The following CGRRF1 variants were observed in gnomAD, a reference collection of about 807,000 sequenced individuals.
CGRRF1 encodes cell growth regulator with ring finger domain 1.
In CGRRF1, 32 loss-of-function variants were observed where a neutral mutation model predicts 37.2. That is an observed-to-expected ratio of 0.86 (90% confidence interval 0.65 to 1.16). The LOEUF is 1.16. Among genes scored for constraint, CGRRF1 ranks in the 50% most tolerant of loss-of-function variants. CGRRF1 has a pLI of 0.00. For missense variants in CGRRF1, 391 were observed against 382.6 expected (o/e 1.02, Z -0.18); for synonymous variants, 141 against 140.3 (o/e 1.00, Z -0.04).
chr14:54,528,206 C>CTTTT (rs758797153), intron 2 of CGRRF1, among the ~76,000 whole-genome samples: 5 of 96,266 alleles, frequency 5.2e-5, no homozygotes, highest in African/African-American at 1.1e-4. Flanking sequence ...TACCTCAATT[C>CTTTT]TTTTTTTTTT....
Position 54,522,485 on chromosome 14 carries a change from A to G in CGRRF1, c.136A>G (p.Asn46Asp). 6.3e-7 allele frequency: 1 copy of G among 1,580,970 alleles called. No homozygotes were observed. The highest frequency in any genetic ancestry group is 2.0e-5 in the Admixed American group (1 of 51,280). ...TTGGGATGTTCCAGTAATTCTGAGAAATTCAGAAGAGACCCAGTTCAGCAC... is the reference window on the plus strand; with the variant it reads ...TTGGGATGTTCCAGTAATTCTGAGAGATTCAGAAGAGACCCAGTTCAGCAC... ...FGWDVPVILR[N>D]SEETQFSTRV... The change falls in exon 2 of 6, where the codon AAT (asparagine) becomes GAT (aspartate). Residue 46 changes from asparagine (N) to aspartate (D), a missense_variant. Coordinates refer to ENST00000216420, the MANE Select transcript of CGRRF1 (RefSeq NM_006568.3).
intron 2 of CGRRF1, 73 bp downstream of exon 2, chr14:54,522,666 T>A: frequency 1.5e-6 from 2 of 1,367,744 alleles, no homozygotes; most frequent in Non-Finnish European, 2.0e-6. Context: ...TTTCTTTCTC[T>A]ATTTCTTTCC....
Position 54,539,263 on chromosome 14 carries a change from A to G in CGRRF1, c.*880A>G, listed in dbSNP as rs1011224292. 2 of 152,120 alleles carry G rather than the reference A, an allele frequency of 1.3e-5. No homozygotes were observed. The highest frequency in any genetic ancestry group is 1.5e-5 in the Non-Finnish European group (1 of 68,010). The allele number at this position is 152,120 out of a possible 1,614,324, so 9.4% of individuals were successfully genotyped here. A position where few individuals can be genotyped will look rare whatever the true frequency, so the allele number is the denominator to read the frequency against. ...TTTTTTCTAGTGTATTTTTATTCCA[A>G]ATAAACCCTGTATTCTTCTGAATAG... On this transcript the variant is annotated 3_prime_UTR_variant, in exon 6 of 6. Transcript: ENST00000216420.
chr14:54,530,848 G>A (rs1310856838), intron 3 of CGRRF1, 55 bp from the exon 4 acceptor site: 3 of 1,322,178 alleles, frequency 2.3e-6, no homozygotes, highest in East Asian at 2.3e-5. Flanking sequence ...ATCATTTTTG[G>A]TGTATTTTTG....
In CGRRF1 at chr14:54,522,509, A is replaced by C. The variant is rs764485821; in HGVS notation, c.160A>C (p.Thr54Pro). 1.9e-6 allele frequency: 3 copies of C among 1,610,068 alleles called. No homozygotes were observed. The highest frequency in any genetic ancestry group is 2.2e-5 in the South Asian group (2 of 90,110). ...AAATTCAGAAGAGACCCAGTTCAGC[A>C]CAAGAGTTTTCAAAAAGCAAATGAG... ...LRNSEETQFS[T>P]RVFKKQMRQV... Residue 54 changes from threonine to proline, a missense_variant, in exon 2 of 6, where the codon ACA becomes CCA. Transcript: ENST00000216420.
chr14:54,510,357 T>C (rs1342571126), intron 1 of CGRRF1: 1 of 416,678 alleles, frequency 2.4e-6, no homozygotes, highest in East Asian at 5.2e-5. Context: ...CAGGAAGGGC[T>C]TGGGCTTGGG....
intron 4 of CGRRF1, among the ~76,000 whole-genome samples, chr14:54,532,700 G>GT (rs1160418990): frequency 1.4e-5 from 2 of 138,084 alleles, no homozygotes; most frequent in South Asian, 2.3e-4. Context: ...GATTTGATAA[G>GT]TAAAAAAAAA....
chr14:54,512,645 G>A (rs2140052641), intron 1 of CGRRF1, among the ~76,000 whole-genome samples: 1 of 152,358 alleles, frequency 6.6e-6, no homozygotes, highest in Admixed American at 6.5e-5. Context: ...CTGGAAAGCT[G>A]GAAGAGGATG....
At chr14:54,536,162 C>T (rs2032598341) in intron 4 of CGRRF1, 1 of 152,162 alleles carries the variant, frequency 6.6e-6, no homozygotes. Flanking sequence ...AAAGATAGCA[C>T]ATACTCTATG....
At chr14:54,530,818 A>G (rs537894123) in intron 3 of CGRRF1, 85 bp from the exon 4 acceptor site, 2 of 1,114,534 alleles carry the variant, frequency 1.8e-6, no homozygotes, top group African/African-American at 3.1e-5. Context: ...TCTTATGGAT[A>G]AAGTGTTGCT....
chr14:54,519,646 T>C (rs2032282284), intron 1 of CGRRF1, among the ~76,000 whole-genome samples: 1 of 152,200 alleles, frequency 6.6e-6, no homozygotes, highest in South Asian at 2.1e-4. Flanking sequence ...GGCCCTTGTC[T>C]GGAGAAGACA....
rs77210307 is a variant in CGRRF1, at chr14:54,538,770, A to G, written c.*387A>G. ...GTAATCGGAGTGCAATTAAGAAAAA[A>G]CTTAATTCTACTTAAAGTAATTGTG... On this transcript the variant is annotated 3_prime_UTR_variant, in exon 6 of 6. Coordinates refer to ENST00000216420, the MANE Select transcript of CGRRF1 (RefSeq NM_006568.3). 0.013 allele frequency: 2,088 copies of G among 160,268 alleles called. 29 individuals carry two copies. Among genetic ancestry groups the G allele is most frequent in the Non-Finnish European group, 0.02 (1,415 of 72,456 alleles). 9.9% of individuals were successfully genotyped at this position (160,268 alleles called of 1,614,324 possible).
At chr14:54,537,661 A>C (rs562695090) in intron 4 of CGRRF1, 61 bp from the exon 5 acceptor site, 1 of 1,382,618 alleles carries the variant, frequency 7.2e-7, no homozygotes, top group Non-Finnish European at 9.4e-7. Context: ...AGCATTTTTC[A>C]TATATTTGTG....
chr14:54,527,710 T>G (rs1481284811), intron 2 of CGRRF1, among the ~76,000 whole-genome samples: 2 of 152,068 alleles, frequency 1.3e-5, no homozygotes, highest in Non-Finnish European at 2.9e-5. Context: ...TTATATGTTC[T>G]GTAAGCTGTA....
At chr14:54,535,022 C>A (rs1041338950) in intron 4 of CGRRF1, among the ~76,000 whole-genome samples, 5 of 152,078 alleles carry the variant, frequency 3.3e-5, no homozygotes, top group African/African-American at 1.2e-4. Context: ...CCCAGCCTAC[C>A]CATATGTTTA....
chr14:54,537,586 C>G, intron 4 of CGRRF1, 136 bp from the exon 5 acceptor site: 7 of 927,776 alleles, frequency 7.5e-6, no homozygotes, highest in Non-Finnish European at 1.0e-5. Context: ...ATTTATCAGC[C>G]TTTTATTTTT....
chr14:54,510,261 C>A, intron 1 of CGRRF1, 198 bp downstream of exon 1: 2 of 582,002 alleles, frequency 3.4e-6, no homozygotes, highest in Non-Finnish European at 6.1e-6. Flanking sequence ...CCCTGCATCA[C>A]CGTTTGGTCC....
At chr14:54,534,414 C>T (rs2032568754) in intron 4 of CGRRF1, among the ~76,000 whole-genome samples, 1 of 152,156 alleles carries the variant, frequency 6.6e-6, no homozygotes, top group Non-Finnish European at 1.5e-5. Flanking sequence ...TGAGCCACTG[C>T]TCCCAGAGGA....
At chr14:54,510,243 C>A (rs1239590479) in intron 1 of CGRRF1, 180 bp downstream of exon 1, 1 of 598,026 alleles carries the variant, frequency 1.7e-6, no homozygotes, top group African/African-American at 1.9e-5. Context: ...GCTGCACCTG[C>A]GTCACTGCCC....
Sources: allele counts gnomAD v4.1 joint callset (sites outside exome capture counted in the v4.1 genomes callset), GRCh38; gene constraint gnomAD v4.1.1; transcripts MANE v1.5; gene names NCBI Gene and HGNC (gene_info 2026-07-23, HGNC 2026-07-21).